The following PRKDC variants were observed in gnomAD, a reference collection of about 807,000 sequenced individuals.
The protein encoded by PRKDC is protein kinase, DNA-activated, catalytic subunit.
Under a neutral mutation model 486.9 loss-of-function variants are expected in PRKDC, and 82 were observed. The ratio of observed to expected loss-of-function variants is 0.17; its 90% confidence interval spans 0.14 to 0.20. The LOEUF (loss-of-function observed/expected upper bound fraction) is 0.20. PRKDC is among the 10% of genes least tolerant of loss of function. The pLI is 1.00. For synonymous variants in PRKDC, 1,895 were observed against 1,837.0 expected (o/e 1.03, Z -0.81); for missense variants, 4,504 against 5,038.2 (o/e 0.89, Z 3.21).
At position 47,959,937 on chromosome 8, in the gene PRKDC, G is replaced by A. The variant is rs1383324916; in HGVS notation, c.154+36C>T. 10 of 1,529,952 alleles carry A rather than the reference G, an allele frequency of 6.5e-6. No individual in the cohort carries two copies. The Admixed American group carries it at 1.8e-4, about 27-fold the overall frequency. The allele number at this position is 1,529,952 out of a possible 1,614,324, so 94.8% of individuals were successfully genotyped here. ...GGCTCCAGAACGACTCGGGAAGCCA[G>A]GACCCACCCGCGGCCCAGCTCGGGC... On this transcript the variant is annotated intron_variant, in intron 1 of 85. Transcript: ENST00000314191.
rs143222038 is a variant in PRKDC, at chr8:47,794,758, T to C, written c.10459-257A>G. On this transcript the variant is annotated intron_variant, in intron 73 of 85. Transcript: ENST00000314191. ...TGCTGGTTGTTCTTAGACAGATGTA[T>C]AGAAAAATCTTCTACTTCATTCCTC... Among the ~76,000 whole-genome samples the C allele has an allele frequency of 6.2e-3, 952 of 152,364 alleles. 7 individuals are homozygous for C. The highest frequency in any genetic ancestry group is 0.011 in the Non-Finnish European group (755 of 68,028).
At chr8:47,910,067 G>A (rs1417133655) in intron 25 of PRKDC, among the ~76,000 whole-genome samples, 4 of 152,138 alleles carry the variant, frequency 2.6e-5, no homozygotes, top group African/African-American at 2.4e-5. Context: ...TTTGCGGCTC[G>A]GGGTTGTCAT....
chr8:47,934,480 A>G (rs1343952548), intron 14 of PRKDC, among the ~76,000 whole-genome samples: 1 of 152,224 alleles, frequency 6.6e-6, no homozygotes, highest in Non-Finnish European at 1.5e-5. Context: ...GGTTGCAGTG[A>G]GCCAAGATCG....
chr8:47,809,861 C>T (rs535217851), intron 68 of PRKDC, among the ~76,000 whole-genome samples: 1 of 152,286 alleles, frequency 6.6e-6, no homozygotes, highest in South Asian at 2.1e-4. Context: ...TGTTTCCTCT[C>T]TGTCTTACTC....
chr8:47,907,061 C>T (rs1449819373), intron 25 of PRKDC, among the ~76,000 whole-genome samples: 3 of 150,568 alleles, frequency 2.0e-5, no homozygotes, highest in African/African-American at 4.9e-5. Flanking sequence ...TTTTTTGAGA[C>T]GGAGTCTCGC....
chr8:47,779,250 T>C (rs1589689582), intron 80 of PRKDC, 157 bp from the exon 81 acceptor site: 1 of 550,128 alleles, frequency 1.8e-6, no homozygotes, highest in African/African-American at 1.9e-5. Context: ...GAACCCACAT[T>C]ACTCTGGATC....
rs373595897 is a variant in PRKDC at position 47,837,191 on chromosome 8, T to C, written c.7761+21A>G. 7.5e-6 allele frequency: 12 copies of C among 1,592,052 alleles called. No individual in the cohort carries two copies. In the African/African-American group the frequency reaches 9.4e-5, roughly 12 times the overall value. On this transcript the variant is annotated intron_variant, in intron 57 of 85. Coordinates refer to ENST00000314191, the MANE Select transcript of PRKDC (RefSeq NM_006904.7). ...GAAAAGCCTATAATATTCACTACTA[T>C]GAGAGAGAAGACCACATTACCTGAA... is the stretch of plus-strand genomic sequence containing the variant.
intron 21 of PRKDC, among the ~76,000 whole-genome samples, chr8:47,922,002 AAC>A (rs1422040573): frequency 6.6e-6 from 1 of 152,120 alleles, no homozygotes; most frequent in Non-Finnish European, 1.5e-5. Flanking sequence ...GTTGGTCTCG[AAC>A]TCATGACTTC....
chr8:47,779,105 G>A lies in PRKDC; in HGVS notation c.11490-12C>T. 6.4e-7 allele frequency: 1 copy of A among 1,553,640 alleles called. No individual in the cohort carries two copies. Among genetic ancestry groups the A allele is most frequent in the Non-Finnish European group, 8.8e-7 (1 of 1,142,376 alleles). On this transcript the variant is annotated splice_polypyrimidine_tract_variant and intron_variant, in intron 80 of 85. Coordinates refer to ENST00000314191, the MANE Select transcript of PRKDC (RefSeq NM_006904.7). ...GTGCCCTGGGATCACTAATGAGTGA[G>A]AAAAGGGGAATTGGAATTAGGAAGA...
intron 21 of PRKDC, among the ~76,000 whole-genome samples, chr8:47,919,723 GTTT>G (rs200600818): frequency 3.1e-5 from 4 of 127,036 alleles, no homozygotes; most frequent in Non-Finnish European, 5.1e-5. Context: ...GTTTTTAGTG[GTTT>G]TTTTTTTTTT....
rs766724310 is a variant in PRKDC at position 47,785,156 on chromosome 8, G to C, written c.11064C>G (p.Ser3688Arg). The C allele has an allele frequency of 6.2e-7, 1 of 1,613,894 alleles. No individual in the cohort carries two copies. Among genetic ancestry groups the C allele is most frequent in the Non-Finnish European group, 8.5e-7 (1 of 1,179,876 alleles). ...GNLKECSPWM[S>R]DFKVEFLRNE... ...TTCTCAGGAACTCCACTTTGAAGTC[G>C]CTCATCCAGGGTGAACATTCTTTCA... The change falls in exon 77 of 86, where the codon AGC (serine) becomes AGG (arginine). Residue 3688 changes from serine (S) to arginine (R), a missense_variant. This residue lies in a region of PRKDC where 706 missense variants were observed against 945.0 expected (regional missense o/e 0.75). Coordinates refer to ENST00000314191, the MANE Select transcript of PRKDC (RefSeq NM_006904.7).
chr8:47,897,492 T>C (rs1385018163), intron 29 of PRKDC, among the ~76,000 whole-genome samples, 198 bp from the exon 30 acceptor site: 1 of 152,246 alleles, frequency 6.6e-6, no homozygotes, highest in East Asian at 1.9e-4. Flanking sequence ...TAAATGCTGC[T>C]CATGTTCATT....
At chr8:47,810,193 AC>A (rs1309441887) in intron 68 of PRKDC, among the ~76,000 whole-genome samples, 1 of 152,210 alleles carries the variant, frequency 6.6e-6, no homozygotes, top group East Asian at 1.9e-4. Flanking sequence ...CAGCATCTAC[AC>A]AAGAGAATCC....
At chr8:47,830,832 G>T (rs2087849897) in intron 60 of PRKDC, 96 bp from the exon 61 acceptor site, 1 of 1,499,698 alleles carries the variant, frequency 6.7e-7, no homozygotes, top group Admixed American at 1.7e-5. Context: ...CCTGAACCAT[G>T]AGGGCGAAGT....
intron 36 of PRKDC, among the ~76,000 whole-genome samples, chr8:47,885,232 A>C (rs1376167668): frequency 1.4e-4 from 22 of 152,024 alleles, no homozygotes; most frequent in Admixed American, 1.4e-3. Context: ...GCTCACTGCA[A>C]CCTCCGCCTC....
rs867149509 is a variant in PRKDC, at chr8:47,898,471, G to A, written c.3463C>T (p.Arg1155Ter). The part of the protein sequence containing the change: ...LNKAKKRRLP[R>*]GFPPSASLCL... ...GGAAAAGGAAGCAAGATCACCTACC[G>A]CGGCAAACGTCGTTTCTTTGCTTTA... The change falls in exon 29 of 86, where the codon CGA becomes TGA. Residue 1155 changes from arginine (R) to a stop codon, truncating the protein, a stop_gained and splice_region_variant. Coordinates refer to ENST00000314191, the MANE Select transcript of PRKDC (RefSeq NM_006904.7). LOFTEE classifies it high-confidence loss of function. The A allele has an allele frequency of 6.4e-7, 1 of 1,550,924 alleles. No individual in the cohort carries two copies. The highest frequency in any genetic ancestry group is 8.7e-7 in the Non-Finnish European group (1 of 1,143,184).
chr8:47,819,531 A>T (rs755151981), intron 66 of PRKDC, 21 bp from the exon 67 acceptor site: 1 of 1,331,692 alleles, frequency 7.5e-7, no homozygotes, highest in East Asian at 2.5e-5. Flanking sequence ...AAAAAAAAAA[A>T]AAAGGGCATT....
intron 61 of PRKDC, 39 bp from the exon 62 acceptor site, chr8:47,828,386 AGC>A (rs1160128314): frequency 6.7e-7 from 1 of 1,501,988 alleles, no homozygotes; most frequent in Non-Finnish European, 8.9e-7. Context: ...TAGGATCTGA[AGC>A]AAAAATGCTA....
chr8:47,923,552 A>G (rs1307115745), intron 21 of PRKDC, among the ~76,000 whole-genome samples: 1 of 152,218 alleles, frequency 6.6e-6, no homozygotes, highest in African/African-American at 2.4e-5. Flanking sequence ...TCCTACTGCT[A>G]GTCAGTGGGC....
Sources: gnomAD v4.1 joint callset for allele counts (sites outside exome capture counted in the v4.1 genomes callset) on GRCh38, gnomAD v4.1.1 for gene constraint, gnomAD v4.1.1 regional missense constraint, MANE v1.5 for transcripts, NCBI Gene and HGNC (gene_info 2026-07-23, HGNC 2026-07-21) for gene names.